DDX46: variants seen among roughly 807,000 people sequenced by gnomAD.
DDX46 encodes DEAD-box helicase 46, also known as probable ATP-dependent RNA helicase DDX46.
DDX46 carries 30 observed loss-of-function variants against 134.9 expected under a neutral mutation model. The observed-to-expected ratio is 0.22, with a 90% CI of 0.17 to 0.30. DDX46 has a LOEUF of 0.30. DDX46 is among the 10% of genes least tolerant of loss of function. The pLI is 1.00. For missense variants in DDX46, 622 were observed against 1,248.7 expected (o/e 0.50, Z 7.56); for synonymous variants, 415 against 404.1 (o/e 1.03, Z -0.32).
chr5:134,767,212 T>G, intron 3 of DDX46, 152 bp downstream of exon 3: 1 of 936,954 alleles, frequency 1.1e-6, no homozygotes, highest in Non-Finnish European at 1.5e-6. Context: ...TTATTTTAAT[T>G]GGCTATAATG....
At position 134,829,458 on chromosome 5, in the gene DDX46, A is replaced by G. The variant is rs1245071224; in HGVS notation, c.*752A>G. The G allele has an allele frequency of 6.6e-6, 1 of 151,922 alleles. No individual in the cohort carries two copies. The highest frequency in any genetic ancestry group is 1.5e-5 in the Non-Finnish European group (1 of 67,970). 9.4% of individuals were successfully genotyped at this position (151,922 alleles called of 1,614,324 possible). ...GTGTAGCCTATAAATACTAAATATG[A>G]TACCTTTTCCTTCTAGAAAGTGTTT... On this transcript the variant is annotated 3_prime_UTR_variant, in exon 23 of 23. Coordinates refer to ENST00000452510, the MANE Select transcript of DDX46 (RefSeq NM_001300860.2).
chr5:134,814,907 T>C (rs1386727247), intron 18 of DDX46, among the ~76,000 whole-genome samples: 1 of 152,192 alleles, frequency 6.6e-6, no homozygotes, highest in Non-Finnish European at 1.5e-5. Flanking sequence ...GGAGCCACTG[T>C]GCGTGGCCAT....
At chr5:134,765,381 T>TAA (rs751912543) in intron 2 of DDX46, among the ~76,000 whole-genome samples, 96 of 97,282 alleles carry the variant, frequency 9.9e-4, no homozygotes, top group East Asian at 2.0e-3. Flanking sequence ...CCGTCTCTAC[T>TAA]AAAAAAAAAA....
intron 15 of DDX46, among the ~76,000 whole-genome samples, chr5:134,798,526 A>G (rs1754735810): frequency 6.6e-6 from 1 of 152,180 alleles, no homozygotes; most frequent in South Asian, 2.1e-4. Context: ...TTTTTTGTAT[A>G]TAATTCAGTG....
chr5:134,817,757 CTCT>C, intron 20 of DDX46, 43 bp downstream of exon 20: 1 of 1,532,160 alleles, frequency 6.5e-7, no homozygotes, highest in Non-Finnish European at 8.9e-7. Flanking sequence ...GAAGTAGCAA[CTCT>C]TCTTTGGAGG....
chr5:134,782,855 TAA>T, intron 8 of DDX46, 88 bp from the exon 9 acceptor site: 1 of 1,507,680 alleles, frequency 6.6e-7, no homozygotes, highest in South Asian at 1.3e-5. Context: ...GCATAAGAGT[TAA>T]AGTTTGTTAA....
intron 1 of DDX46, among the ~76,000 whole-genome samples, chr5:134,762,783 G>T (rs576763374): frequency 6.6e-5 from 10 of 151,604 alleles, no homozygotes; most frequent in African/African-American, 2.4e-4. Context: ...GTGGCCGGGC[G>T]CAGTGGCCCA....
intron 3 of DDX46, among the ~76,000 whole-genome samples, chr5:134,768,623 A>G (rs1753656853): frequency 6.6e-6 from 1 of 150,584 alleles, no homozygotes; most frequent in African/African-American, 2.5e-5. Flanking sequence ...TACTTTAAAA[A>G]GCACCAATTA....
intron 1 of DDX46, among the ~76,000 whole-genome samples, chr5:134,759,506 C>A (rs1234819366): frequency 2.6e-5 from 4 of 151,748 alleles, no homozygotes; most frequent in African/African-American, 9.7e-5. Context: ...AAGCAGGTAA[C>A]TTTGTTACCT....
At chr5:134,826,486 C>T (rs748354038) in intron 21 of DDX46, 2 of 152,484 alleles carry the variant, frequency 1.3e-5, no homozygotes, top group Non-Finnish European at 2.9e-5. Context: ...TGGTATCTTT[C>T]CTCCCTCCAA....
At chr5:134,788,100 T>A (rs1374026539) in intron 11 of DDX46, among the ~76,000 whole-genome samples, 1 of 152,128 alleles carries the variant, frequency 6.6e-6, no homozygotes, top group Non-Finnish European at 1.5e-5. Flanking sequence ...AACCCTCAAT[T>A]TGAAAAACAC....
intron 15 of DDX46, among the ~76,000 whole-genome samples, chr5:134,799,690 A>G (rs1315301237): frequency 2.0e-5 from 3 of 150,396 alleles, no homozygotes; most frequent in African/African-American, 4.9e-5. Flanking sequence ...ATAAGCAGAG[A>G]TTGCACCATT....
At chr5:134,785,656 G>C in intron 11 of DDX46, 70 bp downstream of exon 11, 2 of 1,494,504 alleles carry the variant, frequency 1.3e-6, no homozygotes, top group Non-Finnish European at 9.0e-7. Flanking sequence ...AAGTAAAAGT[G>C]ACTTTTACTT....
chr5:134,814,426 A>G (rs1487205916), intron 18 of DDX46, among the ~76,000 whole-genome samples: 1 of 152,246 alleles, frequency 6.6e-6, no homozygotes, highest in Non-Finnish European at 1.5e-5. Context: ...AGTACTTAAC[A>G]CGAATAAAAT....
chr5:134,828,484 T>C (rs1001342609), intron 22 of DDX46, among the ~76,000 whole-genome samples, 175 bp from the exon 23 acceptor site: 1 of 152,188 alleles, frequency 6.6e-6, no homozygotes, highest in Non-Finnish European at 1.5e-5. Context: ...CCTTTCTCAA[T>C]GCAGTAATAG....
intron 7 of DDX46, 141 bp downstream of exon 7, chr5:134,781,387 G>T: frequency 1.6e-6 from 1 of 642,366 alleles, no homozygotes; most frequent in Non-Finnish European, 2.7e-6. Flanking sequence ...ATTCTTAGTA[G>T]TATAATAGTA....
intron 18 of DDX46, among the ~76,000 whole-genome samples, chr5:134,815,523 C>T (rs57586388): frequency 0.036 from 5,389 of 151,648 alleles, 281 homozygotes; most frequent in African/African-American, 0.12. Context: ...CTGCCTAACA[C>T]GGTGAAACCC....
intron 3 of DDX46, among the ~76,000 whole-genome samples, chr5:134,769,972 G>A (rs1384646717): frequency 6.6e-6 from 1 of 151,942 alleles, no homozygotes; most frequent in Non-Finnish European, 1.5e-5. Context: ...CCAGGTGTTT[G>A]TTAATGGAAT....
At position 134,829,278 on chromosome 5, in the gene DDX46, A is replaced by T. The variant is rs893074536; in HGVS notation, c.*572A>T. ...GTTGGACTAATTTCGGTTTTTATAC[A>T]AGTAAAGATTTAATAGTATAAGGAT... On this transcript the variant is annotated 3_prime_UTR_variant, in exon 23 of 23. Coordinates refer to ENST00000452510, the MANE Select transcript of DDX46 (RefSeq NM_001300860.2). 3 of 152,188 alleles carry T rather than the reference A, an allele frequency of 2.0e-5. No individual in the cohort carries two copies. Among genetic ancestry groups the T allele is most frequent in the Admixed American group, 2.0e-4 (3 of 15,280 alleles). 9.4% of individuals were successfully genotyped at this position (152,188 alleles called of 1,614,324 possible).
Sources: allele counts gnomAD v4.1 joint callset (sites outside exome capture counted in the v4.1 genomes callset), GRCh38; gene constraint gnomAD v4.1.1; transcripts MANE v1.5; gene names NCBI Gene and HGNC (gene_info 2026-07-23, HGNC 2026-07-21).